The following TRIM67 variants were observed in gnomAD, a reference collection of about 807,000 sequenced individuals.
TRIM67 encodes tripartite motif-containing protein 67.
TRIM67 carries 39 observed loss-of-function variants against 71.0 expected under a neutral mutation model. That is an observed-to-expected ratio of 0.55 (90% CI 0.43 to 0.72). The LOEUF (loss-of-function observed/expected upper bound fraction) is 0.72, where lower values mean the gene tolerates loss of function less well. Ranked by LOEUF, TRIM67 falls within the 30% of genes least tolerant of loss-of-function variation. The pLI is 0.00. For synonymous variants in TRIM67, 481 were observed against 473.9 expected (o/e 1.01, Z -0.19); for missense variants, 973 against 1,079.2 (o/e 0.90, Z 1.38).
intron 1 of TRIM67, among the ~76,000 whole-genome samples, chr1:231,175,449 C>T (rs990008046): frequency 6.6e-6 from 1 of 152,224 alleles, no homozygotes; most frequent in Non-Finnish European, 1.5e-5. Flanking sequence ...AGACATTAGA[C>T]TCCTAATTCA....
Position 231,203,966 on chromosome 1 carries a change from A to G in TRIM67, c.1634A>G (p.Asp545Gly). The change falls in exon 6 of 10, where the codon GAC (aspartate) becomes GGC (glycine). Residue 545 changes from aspartate (D) to glycine (G), a missense_variant. By Grantham distance (94) the Asp-to-Gly change is moderately conservative (BLOSUM62 -1). This residue lies in a region of TRIM67 where 795 missense variants were observed against 831.3 expected (regional missense o/e 0.96). Coordinates refer to ENST00000366653, the MANE Select transcript of TRIM67 (RefSeq NM_001004342.5). ...CCACCCTTCACCCACAGCCCCGTGG[A>G]CGGCTACATCCTGGAGCTGGACGAC... is the stretch of plus-strand genomic sequence containing the variant. Reference protein sequence around the residue: ...RMPPFTHSPVDGYILELDDGA... With the variant: ...RMPPFTHSPVGGYILELDDGA... 6.2e-7 allele frequency: 1 copy of G among 1,613,968 alleles called. No homozygotes were observed. The highest frequency in any genetic ancestry group is 8.5e-7 in the Non-Finnish European group (1 of 1,179,866).
rs1250119712 is a variant in TRIM67, at chr1:231,221,360, TA to T, written c.*5921del. On this transcript the variant is annotated 3_prime_UTR_variant, in exon 10 of 10. Coordinates refer to ENST00000366653, the MANE Select transcript of TRIM67 (RefSeq NM_001004342.5). Reference sequence around the variant, plus strand: ...GATGTTCCACTGAAAACACGGGGGGTAGCGGGGAGTGGTAAGGAAAGCAACT... The same window carrying T: ...GATGTTCCACTGAAAACACGGGGGGTGCGGGGAGTGGTAAGGAAAGCAACT... The T allele has an allele frequency of 6.6e-6, 1 of 152,188 alleles. No individual in the cohort carries two copies. Among genetic ancestry groups the T allele is most frequent in the Non-Finnish European group, 1.5e-5 (1 of 67,948 alleles). The allele number at this position is 152,188 out of a possible 1,614,324, so 9.4% of individuals were successfully genotyped here. A position where few individuals can be genotyped will look rare whatever the true frequency, so the allele number is the denominator to read the frequency against.
chr1:231,171,478 C>T (rs982508375), intron 1 of TRIM67, among the ~76,000 whole-genome samples: 2 of 152,132 alleles, frequency 1.3e-5, no homozygotes, highest in African/African-American at 4.8e-5. Context: ...AAAGAGAATG[C>T]TTTATCCACT....
chr1:231,201,315 TCC>T, intron 4 of TRIM67, 41 bp from the exon 5 acceptor site: 1 of 1,580,762 alleles, frequency 6.3e-7, no homozygotes, highest in Non-Finnish European at 8.6e-7. Context: ...GCACAATTTT[TCC>T]TTTGCAAAGC....
At chr1:231,167,730 C>T (rs1300010138) in intron 1 of TRIM67, among the ~76,000 whole-genome samples, 1 of 151,924 alleles carries the variant, frequency 6.6e-6, no homozygotes, top group Non-Finnish European at 1.5e-5. Context: ...GCTAGAGTTA[C>T]AGGTGTGGGC....
At chr1:231,172,867 C>T (rs1372513324) in intron 1 of TRIM67, among the ~76,000 whole-genome samples, 1 of 152,226 alleles carries the variant, frequency 6.6e-6, no homozygotes, top group Non-Finnish European at 1.5e-5. Flanking sequence ...GACTTTCTCT[C>T]ACTCGATAAA....
chr1:231,196,618 G>A (rs1683376264), intron 1 of TRIM67, among the ~76,000 whole-genome samples: 2 of 152,074 alleles, frequency 1.3e-5, no homozygotes, highest in Non-Finnish European at 2.9e-5. Context: ...CAATAGCTAG[G>A]TTTTAAAGAC....
chr1:231,193,650 T>C (rs1272457453), intron 1 of TRIM67, among the ~76,000 whole-genome samples: 1 of 152,004 alleles, frequency 6.6e-6, no homozygotes, highest in Non-Finnish European at 1.5e-5. Flanking sequence ...AAAGGTGGTT[T>C]ATGGGGCTCA....
intron 1 of TRIM67, among the ~76,000 whole-genome samples, chr1:231,180,792 G>T (rs1266621765): frequency 6.6e-6 from 1 of 152,188 alleles, no homozygotes; most frequent in Non-Finnish European, 1.5e-5. Flanking sequence ...CTGTCTGAAT[G>T]CGGAGGCCAT....
At position 231,201,347 on chromosome 1, in the gene TRIM67, T is replaced by C; in HGVS notation, c.1375-11T>C. ...CAAAGCAAAACCTTAAACTCTTTGC[T>C]CCCCTTTAAGATCTCAGATGCTCTG... On this transcript the variant is annotated splice_polypyrimidine_tract_variant and intron_variant, in intron 4 of 9. Transcript: ENST00000366653. 6.2e-7 allele frequency: 1 copy of C among 1,609,694 alleles called. No individual in the cohort carries two copies.
chr1:231,202,165 T>C (rs1371470136), intron 5 of TRIM67, among the ~76,000 whole-genome samples: 1 of 3,302 alleles, frequency 3.0e-4, no homozygotes, highest in Non-Finnish European at 6.3e-4. Flanking sequence ...GAGGAGGAGG[T>C]AGTGGAGGAG....
chr1:231,209,206 C>T lies in TRIM67; in HGVS notation c.2079C>T (p.Asp693=). 1 of 1,590,804 alleles carries T rather than the reference C, an allele frequency of 6.3e-7. No individual in the cohort carries two copies. Among genetic ancestry groups the T allele is most frequent in the East Asian group, 2.3e-5 (1 of 44,394 alleles). ...KDDKAWAMYV[D]NNRSWFMHCN... ...ACAAGGCCTGGGCCATGTATGTGGA[C>T]AACAACCGCAGCTGGTTCATGCACT... The change falls in exon 8 of 10, where the codon GAC becomes GAT. Residue 693 remains aspartate (D), a synonymous_variant. Transcript: ENST00000366653. This position sits in a 1 kb window ranked among gnomAD's most constrained non-coding sequence, Gnocchi z 4.1.
chr1:231,199,921 T>C (rs1414040482), intron 3 of TRIM67, among the ~76,000 whole-genome samples: 1 of 152,220 alleles, frequency 6.6e-6, no homozygotes, highest in Non-Finnish European at 1.5e-5. Flanking sequence ...GAAAGGTTTC[T>C]GTGTTGGGTG....
intron 8 of TRIM67, among the ~76,000 whole-genome samples, chr1:231,213,235 G>T (rs1451371807): frequency 6.6e-6 from 1 of 152,108 alleles, no homozygotes; most frequent in East Asian, 1.9e-4. Flanking sequence ...ATCAAAACCC[G>T]AATTTTCTAG....
intron 1 of TRIM67, among the ~76,000 whole-genome samples, chr1:231,174,097 T>C (rs903040752): frequency 6.6e-6 from 1 of 152,074 alleles, no homozygotes; most frequent in African/African-American, 2.4e-5. Context: ...TTAGATTGCT[T>C]GCTATTGTCA....
At chr1:231,174,006 C>G (rs1170851716) in intron 1 of TRIM67, among the ~76,000 whole-genome samples, 2 of 152,022 alleles carry the variant, frequency 1.3e-5, no homozygotes. Context: ...TATGTACTAT[C>G]TCTTCAGAAA....
At position 231,221,363 on chromosome 1, in the gene TRIM67, C is replaced by G. The variant is rs3795652; in HGVS notation, c.*5923C>G. On this transcript the variant is annotated 3_prime_UTR_variant, in exon 10 of 10. Transcript: ENST00000366653. Reference sequence around the variant, plus strand: ...GTTCCACTGAAAACACGGGGGGTAGCGGGGAGTGGTAAGGAAAGCAACTTT... The same window carrying G: ...GTTCCACTGAAAACACGGGGGGTAGGGGGGAGTGGTAAGGAAAGCAACTTT... 40,467 of 152,176 alleles carry G rather than the reference C, an allele frequency of 0.27. 5,461 individuals are homozygous for G. Among genetic ancestry groups the G allele is most frequent in the Admixed American group, 0.33 (5,058 of 15,248 alleles). 9.4% of individuals were successfully genotyped at this position (152,176 alleles called of 1,614,324 possible). A position where few individuals can be genotyped will look rare whatever the true frequency, so the allele number is the denominator to read the frequency against.
At position 231,216,510 on chromosome 1, in the gene TRIM67, G is replaced by A; in HGVS notation, c.*1070G>A. On this transcript the variant is annotated 3_prime_UTR_variant, in exon 10 of 10. Transcript: ENST00000366653. Reference sequence around the variant, plus strand: ...TCTCAGACTCATAAGCATTTAAAATGGGAGACCCTGGGAAAGCCTGTTCTA... The same window carrying A: ...TCTCAGACTCATAAGCATTTAAAATAGGAGACCCTGGGAAAGCCTGTTCTA... 4.1e-6 allele frequency: 4 copies of A among 985,490 alleles called. No homozygotes were observed. Among genetic ancestry groups the A allele is most frequent in the Non-Finnish European group, 4.8e-6 (4 of 829,946 alleles). The allele number at this position is 985,490 out of a possible 1,614,324, so 61.0% of individuals were successfully genotyped here.
chr1:231,171,174 A>T (rs1452652550), intron 1 of TRIM67, among the ~76,000 whole-genome samples: 4 of 152,086 alleles, frequency 2.6e-5, no homozygotes, highest in Admixed American at 2.6e-4. Context: ...CTAGTGTCTT[A>T]TTTAGTTACC....
Sources: allele counts gnomAD v4.1 joint callset (sites outside exome capture counted in the v4.1 genomes callset), GRCh38; gene constraint gnomAD v4.1.1; regional missense constraint gnomAD v4.1.1; non-coding constraint Gnocchi (gnomAD v3.1); transcripts MANE v1.5; gene names NCBI Gene and HGNC (gene_info 2026-07-23, HGNC 2026-07-21).